KCNIP4: variants seen among roughly 807,000 people sequenced by gnomAD.
KCNIP4 encodes the protein Kv channel-interacting protein 4.
In KCNIP4, 12 loss-of-function variants were observed where a neutral mutation model predicts 34.0. The ratio of observed to expected loss-of-function variants is 0.35; its 90% confidence interval spans 0.23 to 0.57. The LOEUF is 0.57. Among genes scored for constraint, KCNIP4 ranks in the 20% least tolerant of loss-of-function variants. KCNIP4 has a pLI of 0.83. For synonymous variants in KCNIP4, 124 were observed against 102.2 expected (o/e 1.21, Z -1.29); for missense variants, 238 against 311.7 (o/e 0.76, Z 1.78).
chr4:21,730,384 G>A (rs1715500441), intron 1 of KCNIP4, among the ~76,000 whole-genome samples: 1 of 152,106 alleles, frequency 6.6e-6, no homozygotes, highest in Admixed American at 6.6e-5. Flanking sequence ...GTTCCGTGTT[G>A]TGTTTCACTC....
chr4:21,782,151 A>G (rs1244778930), intron 1 of KCNIP4, among the ~76,000 whole-genome samples: 1 of 152,216 alleles, frequency 6.6e-6, no homozygotes, highest in Non-Finnish European at 1.5e-5. Flanking sequence ...CAAGTAAAAG[A>G]GACTGATGGA....
At chr4:21,048,432 T>G (rs1420241499) in intron 1 of KCNIP4, among the ~76,000 whole-genome samples, 2 of 152,192 alleles carry the variant, frequency 1.3e-5, no homozygotes, top group Non-Finnish European at 2.9e-5. Flanking sequence ...TTGCAAATAA[T>G]GCAAGGGAAT....
At position 21,060,438 on chromosome 4, in the gene KCNIP4, C is replaced by CA. The variant is rs1667092077; in HGVS notation, c.62-177730dup. 2.6e-5 allele frequency among the ~76,000 whole-genome samples: 4 copies of CA among 152,226 alleles called. No homozygotes were observed. The South Asian group carries it at 8.3e-4, about 32-fold the overall frequency. On this transcript the variant is annotated intron_variant, in intron 1 of 8. Coordinates refer to ENST00000382152, the MANE Select transcript of KCNIP4 (RefSeq NM_025221.6). ...ACTGTAGGCATCAGACTGGATGTTA[C>CA]AAAACAGCTTCAATAAGACATAGAA...
At chr4:20,871,493 G>A (rs549139415) in intron 2 of KCNIP4, among the ~76,000 whole-genome samples, 1 of 152,008 alleles carries the variant, frequency 6.6e-6, no homozygotes, top group Admixed American at 6.6e-5. Flanking sequence ...GCCAGGGAGT[G>A]GCAGGGACTC....
chr4:20,831,575 C>A (rs1447329951), intron 3 of KCNIP4, among the ~76,000 whole-genome samples: 1 of 152,156 alleles, frequency 6.6e-6, no homozygotes, highest in Non-Finnish European at 1.5e-5. Flanking sequence ...TCTAGTCACA[C>A]ACACACAAAA....
intron 1 of KCNIP4, among the ~76,000 whole-genome samples, chr4:21,816,624 A>T (rs574727018): frequency 2.0e-5 from 3 of 152,192 alleles, no homozygotes; most frequent in African/African-American, 7.2e-5. Flanking sequence ...TAAACTGGGA[A>T]GTCTCTTACT....
intron 1 of KCNIP4, among the ~76,000 whole-genome samples, chr4:21,299,275 T>C (rs1010147983): frequency 3.3e-5 from 5 of 152,068 alleles, no homozygotes; most frequent in Non-Finnish European, 7.4e-5. Flanking sequence ...AGTCAAATAA[T>C]AGTCTAAAAT....
At chr4:21,834,002 G>T (rs1162197896) in intron 1 of KCNIP4, among the ~76,000 whole-genome samples, 10 of 151,970 alleles carry the variant, frequency 6.6e-5, no homozygotes, top group African/African-American at 2.4e-4. Flanking sequence ...TAGCCTTGTA[G>T]TATAGTTTGA....
intron 3 of KCNIP4, among the ~76,000 whole-genome samples, chr4:20,803,152 C>G (rs1055213215): frequency 2.0e-5 from 3 of 148,544 alleles, no homozygotes; most frequent in Non-Finnish European, 4.4e-5. Flanking sequence ...TGGGATGCAG[C>G]CAAACCATTT....
chr4:21,835,093 A>G (rs1006960620), intron 1 of KCNIP4, among the ~76,000 whole-genome samples: 2 of 152,150 alleles, frequency 1.3e-5, no homozygotes, highest in Non-Finnish European at 2.9e-5. Context: ...AATTAAATTT[A>G]AAGTGAAAAG....
intron 1 of KCNIP4, among the ~76,000 whole-genome samples, chr4:21,786,293 T>C (rs1290699435): frequency 2.0e-5 from 3 of 152,140 alleles, no homozygotes; most frequent in Non-Finnish European, 4.4e-5. Flanking sequence ...CTGGGTCATA[T>C]GGTAACTACA....
At chr4:21,291,503 T>C (rs1348087536) in intron 1 of KCNIP4, among the ~76,000 whole-genome samples, 2 of 152,040 alleles carry the variant, frequency 1.3e-5, no homozygotes, top group Non-Finnish European at 2.9e-5. Context: ...TAATAAGAGA[T>C]GATTTACGGC....
intron 1 of KCNIP4, among the ~76,000 whole-genome samples, chr4:20,930,392 G>T (rs995961910): frequency 1.3e-5 from 2 of 151,938 alleles, no homozygotes; most frequent in African/African-American, 4.8e-5. Flanking sequence ...TGTAAGATGT[G>T]AAACCATAAA....
At chr4:21,802,445 G>T (rs745591309) in intron 1 of KCNIP4, among the ~76,000 whole-genome samples, 3 of 152,000 alleles carry the variant, frequency 2.0e-5, no homozygotes, top group Non-Finnish European at 4.4e-5. Context: ...CCTAAATAAA[G>T]GTTTGTGCCT....
At chr4:21,868,491 A>T (rs915213433) in intron 1 of KCNIP4, among the ~76,000 whole-genome samples, 2 of 152,228 alleles carry the variant, frequency 1.3e-5, no homozygotes, top group South Asian at 4.1e-4. Context: ...CGTTTTCAAA[A>T]GACCTAACTT....
At chr4:21,422,176 T>C (rs917274488) in intron 1 of KCNIP4, among the ~76,000 whole-genome samples, 1 of 151,666 alleles carries the variant, frequency 6.6e-6, no homozygotes, top group African/African-American at 2.4e-5. Context: ...TATTTTATAT[T>C]ATAAAATTTC....
At chr4:21,284,188 G>A (rs1424146256) in intron 1 of KCNIP4, among the ~76,000 whole-genome samples, 2 of 151,678 alleles carry the variant, frequency 1.3e-5, no homozygotes, top group East Asian at 1.9e-4. Flanking sequence ...ACTCCAGCCT[G>A]GGCGACAGAG....
At chr4:21,106,455 AT>A (rs1248199698) in intron 1 of KCNIP4, among the ~76,000 whole-genome samples, 1 of 151,476 alleles carries the variant, frequency 6.6e-6, no homozygotes, top group Non-Finnish European at 1.5e-5. Context: ...CCCCTTTATC[AT>A]TTTTTATCGC....
intron 1 of KCNIP4, among the ~76,000 whole-genome samples, chr4:21,731,032 T>C (rs1715553875): frequency 1.3e-5 from 2 of 151,316 alleles, no homozygotes; most frequent in South Asian, 4.2e-4. Context: ...GAGTATCACC[T>C]GAGCCTAGGA....
Sources: gnomAD v4.1 joint callset for allele counts (sites outside exome capture counted in the v4.1 genomes callset) on GRCh38, gnomAD v4.1.1 for gene constraint, MANE v1.5 for transcripts, NCBI Gene and HGNC (gene_info 2026-07-23, HGNC 2026-07-21) for gene names.